MCTP1: variants seen among roughly 807,000 people sequenced by gnomAD.
The protein encoded by MCTP1 is multiple C2 and transmembrane domain containing 1.
MCTP1 carries 69 observed loss-of-function variants against 120.6 expected under a neutral mutation model. The observed-to-expected ratio is 0.57, with a 90% CI of 0.47 to 0.70. The LOEUF is 0.70. Among genes scored for constraint, MCTP1 ranks in the 30% least tolerant of loss-of-function variants. The pLI is 0.00. For synonymous variants in MCTP1, 529 were observed against 493.1 expected, an observed-to-expected ratio of 1.07 and a Z score of -0.96; for missense variants, 1,203 against 1,248.8, an observed-to-expected ratio of 0.96 and a Z score of 0.55.
intron 1 of MCTP1, among the ~76,000 whole-genome samples, chr5:95,277,901 C>A (rs576367936): frequency 1.1e-3 from 162 of 152,178 alleles, no homozygotes; most frequent in South Asian, 4.8e-3. Context: ...AGGCAGTAAG[C>A]AGGACTTTTA....
At chr5:95,095,373 T>C (rs1294070623) in intron 1 of MCTP1, among the ~76,000 whole-genome samples, 2 of 152,308 alleles carry the variant, frequency 1.3e-5, no homozygotes, top group East Asian at 3.9e-4. Flanking sequence ...TTAAGGTGCT[T>C]AGTAAACAGA....
chr5:94,747,603 G>C (rs1223893319), intron 19 of MCTP1, among the ~76,000 whole-genome samples: 1 of 152,062 alleles, frequency 6.6e-6, no homozygotes, highest in Non-Finnish European at 1.5e-5. Flanking sequence ...GCTGAATTTG[G>C]CCTGTGGACT....
At chr5:95,242,238 T>G (rs1167881057) in intron 1 of MCTP1, among the ~76,000 whole-genome samples, 1 of 152,124 alleles carries the variant, frequency 6.6e-6, no homozygotes, top group Non-Finnish European at 1.5e-5. Flanking sequence ...GTTTCCTACT[T>G]ATTTCTGGCG....
At chr5:94,962,045 G>A (rs1307096429) in intron 2 of MCTP1, among the ~76,000 whole-genome samples, 1 of 151,958 alleles carries the variant, frequency 6.6e-6, no homozygotes, top group Non-Finnish European at 1.5e-5. Flanking sequence ...TGAAAAAATG[G>A]TCAACGTCAC....
At chr5:94,901,153 T>G (rs1805423490) in intron 10 of MCTP1, among the ~76,000 whole-genome samples, 1 of 152,196 alleles carries the variant, frequency 6.6e-6, no homozygotes, top group Non-Finnish European at 1.5e-5. Flanking sequence ...TCCACACGGC[T>G]GGGGAGGCCT....
intron 19 of MCTP1, among the ~76,000 whole-genome samples, chr5:94,771,533 T>C (rs1036852369): frequency 7.9e-5 from 12 of 152,320 alleles, no homozygotes; most frequent in Non-Finnish European, 1.6e-4. Context: ...AAATGGGCAA[T>C]AACCCACTCT....
chr5:94,956,652 G>A (rs1293747001), intron 2 of MCTP1, among the ~76,000 whole-genome samples: 2 of 151,920 alleles, frequency 1.3e-5, no homozygotes, highest in African/African-American at 2.4e-5. Flanking sequence ...CTGATCAAGT[G>A]GAAGAAAGGA....
At chr5:94,782,029 T>C (rs1353609186) in intron 18 of MCTP1, among the ~76,000 whole-genome samples, 1 of 152,084 alleles carries the variant, frequency 6.6e-6, no homozygotes, top group Non-Finnish European at 1.5e-5. Context: ...CTTCCGAACA[T>C]ACCCCACTAT....
Position 95,190,394 on chromosome 5 carries a change from G to A in MCTP1, c.720+93462C>T, listed in dbSNP as rs143999437. 9.7e-3 allele frequency among the ~76,000 whole-genome samples: 1,473 copies of A among 152,208 alleles called. 13 individuals are homozygous for A. Among genetic ancestry groups the A allele is most frequent in the Middle Eastern group, 0.014 (4 of 294 alleles). ...GACAGCATTTAATTATTCTGAGTCA[G>A]TTATCTAGTTTAAAGAATAAATTCT... On this transcript the variant is annotated intron_variant, in intron 1 of 22. Coordinates refer to ENST00000515393, the MANE Select transcript of MCTP1 (RefSeq NM_024717.7).
At chr5:95,037,884 A>G (rs534053666) in intron 1 of MCTP1, among the ~76,000 whole-genome samples, 1 of 152,250 alleles carries the variant, frequency 6.6e-6, no homozygotes, top group South Asian at 2.1e-4. Context: ...CAAAAACAAA[A>G]ACAAAACAAC....
intron 1 of MCTP1, among the ~76,000 whole-genome samples, chr5:95,194,859 G>A (rs1405843188): frequency 6.6e-6 from 1 of 152,174 alleles, no homozygotes; most frequent in Admixed American, 6.5e-5. Flanking sequence ...AGCCCTGGAC[G>A]CCAGGGTGGT....
chr5:95,083,066 A>T (rs1480450972), intron 1 of MCTP1, among the ~76,000 whole-genome samples: 1 of 152,194 alleles, frequency 6.6e-6, no homozygotes, highest in Admixed American at 6.5e-5. Flanking sequence ...AAGAAACCCG[A>T]GGGCAGGAAT....
intron 1 of MCTP1, among the ~76,000 whole-genome samples, chr5:95,200,703 A>G (rs1035235378): frequency 6.6e-6 from 1 of 152,236 alleles, no homozygotes; most frequent in Non-Finnish European, 1.5e-5. Context: ...TCAGTTAGAT[A>G]AAAGTAATAA....
chr5:94,800,481 G>T (rs1163134587), intron 17 of MCTP1, among the ~76,000 whole-genome samples: 1 of 152,132 alleles, frequency 6.6e-6, no homozygotes, highest in Admixed American at 6.5e-5. Context: ...AAATCTCAGT[G>T]AAGCCTACAG....
At chr5:94,815,170 A>G (rs1784262017) in intron 17 of MCTP1, among the ~76,000 whole-genome samples, 1 of 152,228 alleles carries the variant, frequency 6.6e-6, no homozygotes. Context: ...TGAACACAGC[A>G]GGACAAGTGA....
chr5:94,900,598 T>C (rs915261045), intron 10 of MCTP1, among the ~76,000 whole-genome samples: 2 of 152,230 alleles, frequency 1.3e-5, no homozygotes, highest in Middle Eastern at 3.2e-3. Flanking sequence ...TCAGGTCCTT[T>C]TAGATTTGGA....
At chr5:94,918,328 C>T (rs1395975181) in intron 7 of MCTP1, among the ~76,000 whole-genome samples, 1 of 152,022 alleles carries the variant, frequency 6.6e-6, no homozygotes, top group African/African-American at 2.4e-5. Flanking sequence ...TAATTGTTTC[C>T]AAGTCTGCTG....
At chr5:94,806,100 A>G (rs1782214495) in intron 17 of MCTP1, among the ~76,000 whole-genome samples, 1 of 151,770 alleles carries the variant, frequency 6.6e-6, no homozygotes, top group African/African-American at 2.4e-5. Flanking sequence ...AGGTTTGTGG[A>G]GCCAATTTTA....
intron 18 of MCTP1, among the ~76,000 whole-genome samples, chr5:94,787,147 CCTGT>C (rs1466516466): frequency 6.6e-6 from 1 of 152,128 alleles, no homozygotes; most frequent in East Asian, 1.9e-4. Flanking sequence ...CATGGTACTG[CCTGT>C]CTTTGTCTTC....
Sources: gnomAD v4.1 joint callset for allele counts (sites outside exome capture counted in the v4.1 genomes callset) on GRCh38, gnomAD v4.1.1 for gene constraint, MANE v1.5 for transcripts, NCBI Gene and HGNC (gene_info 2026-07-23, HGNC 2026-07-21) for gene names.